The following FRMD7 variants were observed in gnomAD, a reference collection of about 807,000 sequenced individuals.
The protein encoded by FRMD7 is FERM domain-containing protein 7.
A neutral mutation model predicts 44.1 loss-of-function variants in FRMD7; 14 were observed. The observed-to-expected ratio is 0.32, with a 90% CI of 0.21 to 0.50. FRMD7 has a LOEUF of 0.50. Ranked by LOEUF, FRMD7 falls within the 20% of genes least tolerant of loss-of-function variation. The pLI is 0.99. For synonymous variants in FRMD7, 212 were observed against 187.4 expected (o/e 1.13, Z -1.07); for missense variants, 501 against 522.3 (o/e 0.96, Z 0.40).
intron 1 of FRMD7, among the ~76,000 whole-genome samples, chrX:132,120,023 C>T (rs1928995924): frequency 9.0e-6 from 1 of 111,425 alleles, no homozygotes; most frequent in Admixed American, 9.5e-5. Flanking sequence ...AGTCTCCAGG[C>T]TCTTTTAGGA....
At chrX:132,102,137 A>G (rs1467578327) in intron 1 of FRMD7, among the ~76,000 whole-genome samples, 1 of 110,348 alleles carries the variant, frequency 9.1e-6, no homozygotes, top group African/African-American at 3.3e-5. Flanking sequence ...CACTGAACAG[A>G]GCCCACATCT....
At chrX:132,084,082 C>T (rs1276191496) in intron 8 of FRMD7, among the ~76,000 whole-genome samples, 1 of 111,673 alleles carries the variant, frequency 9.0e-6, no homozygotes, top group Non-Finnish European at 1.9e-5. Context: ...TTGTTTTTGG[C>T]ATATACTAGG....
rs2124206290 is a variant in FRMD7 at position 132,077,949 on chromosome X, C to A, written c.2068G>T (p.Asp690Tyr). 5.0e-6 allele frequency: 6 copies of A among 1,211,310 alleles called. No homozygotes were observed. The highest frequency in any genetic ancestry group is 6.7e-6 in the Non-Finnish European group (6 of 895,197). Residue 690 changes from aspartate to tyrosine, a missense_variant, in exon 12 of 12, where the codon GAT becomes TAT. Asp to Tyr is a radical substitution (Grantham distance 160, BLOSUM62 -3). Around this residue, in one of 3 missense-constraint regions of FRMD7, gnomAD observed 453 missense variants for 452.7 expected, o/e 1.00. Transcript: ENST00000298542. ...GGTGTGTTGAAATAAGCATCTTCATCTTCTTCATCTAACTGTAGACTACCA... is the reference window on the plus strand; with the variant it reads ...GGTGTGTTGAAATAAGCATCTTCATATTCTTCATCTAACTGTAGACTACCA... Reference protein sequence around the residue: ...SSGSLQLDEEDEDAYFNTPTA... With the variant: ...SSGSLQLDEEYEDAYFNTPTA...
chrX:132,126,971 A>G (rs1394311867), intron 1 of FRMD7, among the ~76,000 whole-genome samples: 1 of 112,825 alleles, frequency 8.9e-6, no homozygotes, highest in African/African-American at 3.2e-5. Context: ...TTATGTATAA[A>G]AGAAAAAAAC....
intron 9 of FRMD7, among the ~76,000 whole-genome samples, chrX:132,081,314 A>G (rs1430014838): frequency 3.6e-5 from 4 of 111,490 alleles, no homozygotes; most frequent in Admixed American, 1.9e-4. Flanking sequence ...CCTGGGTGAC[A>G]GAGCAAGACT....
At chrX:132,126,992 T>A (rs1442509813) in intron 1 of FRMD7, among the ~76,000 whole-genome samples, 1 of 112,814 alleles carries the variant, frequency 8.9e-6, no homozygotes, top group African/African-American at 3.2e-5. Flanking sequence ...CAACATTTTG[T>A]ATGAATTTCA....
At chrX:132,100,556 A>C (rs990263449) in intron 2 of FRMD7, 56 bp downstream of exon 2, 2 of 822,335 alleles carry the variant, frequency 2.4e-6, no homozygotes, top group African/African-American at 4.0e-5. Context: ...CCTAGCTGCA[A>C]ACTGCATTTA....
chrX:132,079,273 C>T (rs754981188), intron 11 of FRMD7, among the ~76,000 whole-genome samples: 6 of 111,516 alleles, frequency 5.4e-5, no homozygotes, highest in Admixed American at 2.9e-4. Context: ...AGGAGTCCTG[C>T]CTGTTAGTCC....
chrX:132,108,524 C>A (rs896107175), intron 1 of FRMD7, among the ~76,000 whole-genome samples: 1 of 111,483 alleles, frequency 9.0e-6, no homozygotes, highest in African/African-American at 3.3e-5. Flanking sequence ...TTGACTACTT[C>A]TAGGTGACCA....
At chrX:132,099,795 T>A (rs1928445587) in intron 2 of FRMD7, among the ~76,000 whole-genome samples, 1 of 112,010 alleles carries the variant, frequency 8.9e-6, no homozygotes, top group Non-Finnish European at 1.9e-5. Flanking sequence ...GTCACATACA[T>A]GGCTCATTAG....
chrX:132,083,707 G>A (rs949562045), intron 8 of FRMD7, among the ~76,000 whole-genome samples: 52 of 112,214 alleles, frequency 4.6e-4, no homozygotes, highest in Non-Finnish European at 5.6e-5. Flanking sequence ...GCCTGGTAAC[G>A]TCAGCACTTT....
intron 8 of FRMD7, 151 bp downstream of exon 8, chrX:132,084,339 C>G: frequency 2.1e-6 from 1 of 474,924 alleles, no homozygotes; most frequent in East Asian, 3.5e-5. Flanking sequence ...ATGATTAAAA[C>G]TCTGGTTGAT....
At chrX:132,107,946 A>G (rs752026183) in intron 1 of FRMD7, among the ~76,000 whole-genome samples, 1 of 111,752 alleles carries the variant, frequency 8.9e-6, no homozygotes, top group Non-Finnish European at 1.9e-5. Flanking sequence ...AGAGGGCCAA[A>G]GAGGAGTTCC....
chrX:132,118,310 G>T (rs987903845), intron 1 of FRMD7, among the ~76,000 whole-genome samples: 1 of 110,721 alleles, frequency 9.0e-6, no homozygotes, highest in Non-Finnish European at 1.9e-5. Context: ...GCAGAATTTT[G>T]CTCCTTAGTT....
intron 5 of FRMD7, among the ~76,000 whole-genome samples, 199 bp from the exon 6 acceptor site, chrX:132,086,233 A>G (rs1927987306): frequency 9.0e-6 from 1 of 110,656 alleles, no homozygotes. Flanking sequence ...CTCTTTTTCA[A>G]TTTGGAAGCA....
chrX:132,084,147 C>A (rs1189764418), intron 8 of FRMD7, among the ~76,000 whole-genome samples: 5 of 111,758 alleles, frequency 4.5e-5, no homozygotes, highest in Non-Finnish European at 9.4e-5. Context: ...TAAAATGGAA[C>A]AGATAACATC....
At chrX:132,115,907 G>A (rs1306158427) in intron 1 of FRMD7, among the ~76,000 whole-genome samples, 2 of 110,230 alleles carry the variant, frequency 1.8e-5, no homozygotes, top group African/African-American at 6.6e-5. Context: ...CCTCTCATTT[G>A]TTATACTTTG....
intron 1 of FRMD7, among the ~76,000 whole-genome samples, chrX:132,105,541 C>T (rs1318761647): frequency 1.3e-4 from 14 of 111,431 alleles, no homozygotes; most frequent in Admixed American, 9.6e-4. Flanking sequence ...AAAAAGAGCC[C>T]AAATAGCCAA....
chrX:132,094,195 A>T, intron 4 of FRMD7, 56 bp from the exon 5 acceptor site: 1 of 734,928 alleles, frequency 1.4e-6, no homozygotes, highest in Non-Finnish European at 2.1e-6. Context: ...AGAAAGAAGC[A>T]TTTTCCTTCT....
Sources: allele counts gnomAD v4.1 joint callset (sites outside exome capture counted in the v4.1 genomes callset), GRCh38; gene constraint gnomAD v4.1.1; regional missense constraint gnomAD v4.1.1; transcripts MANE v1.5; gene names NCBI Gene and HGNC (gene_info 2026-07-23, HGNC 2026-07-21).